FLI1: variants seen among roughly 807,000 people sequenced by gnomAD.
FLI1 encodes the protein Fli-1 proto-oncogene, ETS transcription factor.
FLI1 carries 13 observed loss-of-function variants against 53.1 expected under a neutral mutation model. The ratio of observed to expected loss-of-function variants is 0.24; its 90% CI spans 0.16 to 0.39. The LOEUF (loss-of-function observed/expected upper bound fraction) is 0.39, where lower values mean the gene tolerates loss of function less well. FLI1 is among the 10% of genes least tolerant of loss of function. The pLI is 1.00. For synonymous variants in FLI1, 244 were observed against 236.7 expected (o/e 1.03, Z -0.28); for missense variants, 424 against 600.5 (o/e 0.71, Z 3.07).
chr11:128,797,752 G>C (rs2268608), intron 5 of FLI1, among the ~76,000 whole-genome samples: 17,068 of 152,144 alleles, frequency 0.11, 1,101 homozygotes, highest in East Asian at 0.26. Context: ...CCAATAAGTT[G>C]GTGATGGCGA....
At chr11:128,757,110 TTC>T (rs1375981367) in intron 1 of FLI1, among the ~76,000 whole-genome samples, 1 of 137,554 alleles carries the variant, frequency 7.3e-6, no homozygotes, top group Non-Finnish European at 1.6e-5. Context: ...CTTTCTTTCT[TTC>T]TCTCTTTCTG....
chr11:128,737,333 G>C (rs1286564582), intron 1 of FLI1, among the ~76,000 whole-genome samples: 1 of 152,124 alleles, frequency 6.6e-6, no homozygotes, highest in African/African-American at 2.4e-5. Context: ...CAGAAAGGAG[G>C]GTTTTTACAA....
chr11:128,703,905 G>A (rs1244187470), intron 1 of FLI1, among the ~76,000 whole-genome samples: 2 of 148,038 alleles, frequency 1.4e-5, no homozygotes, highest in Non-Finnish European at 3.0e-5. Context: ...GTAAAAAGGT[G>A]AATGGGCACC....
At chr11:128,763,849 A>C (rs1474950938) in intron 2 of FLI1, among the ~76,000 whole-genome samples, 2 of 152,182 alleles carry the variant, frequency 1.3e-5, no homozygotes, top group Non-Finnish European at 2.9e-5. Flanking sequence ...ATCATAAGTG[A>C]TGCTTTTTCT....
chr11:128,790,069 CGTGTGTGTGT>C (rs765614434), intron 5 of FLI1, among the ~76,000 whole-genome samples: 2 of 143,318 alleles, frequency 1.4e-5, no homozygotes, highest in Admixed American at 6.8e-5. Context: ...TGCATGCATG[CGTGTGTGTGT>C]GTGTGTGTGT....
chr11:128,810,687 G>A lies in FLI1; in HGVS notation c.1058G>A (p.Gly353Asp). 1.2e-6 allele frequency: 2 copies of A among 1,614,020 alleles called. No homozygotes were observed. The highest frequency in any genetic ancestry group is 1.7e-6 in the Non-Finnish European group (2 of 1,179,890). Residue 353 changes from glycine (G) to aspartate (D), a missense_variant, in exon 9 of 9, where the codon GGC becomes GAC. Gly to Asp is a moderately conservative substitution (Grantham distance 94). This residue lies in a region of FLI1 where 71 missense variants were observed against 174.2 expected (regional missense o/e 0.41). Transcript: ENST00000527786. The surrounding 1 kb of genome is among the most constrained non-coding windows in gnomAD (Gnocchi z 6.6). ...YDKNIMTKVH[G>D]KRYAYKFDFH... ...AAAAACATTATGACCAAAGTGCACGGCAAAAGATATGCTTACAAATTTGAC... is the reference window on the plus strand; with the variant it reads ...AAAAACATTATGACCAAAGTGCACGACAAAAGATATGCTTACAAATTTGAC...
chr11:128,803,247 C>T (rs940182384), intron 5 of FLI1, among the ~76,000 whole-genome samples: 2 of 151,948 alleles, frequency 1.3e-5, no homozygotes, highest in African/African-American at 4.8e-5. Context: ...ACCACAAGCT[C>T]ATTCTTCACC....
chr11:128,809,161 G>A lies in FLI1; in HGVS notation c.786G>A (p.Pro262=), dbSNP rs762785401. Residue 262 remains proline, a synonymous_variant, in exon 8 of 9, where the codon CCG becomes CCA. Transcript: ENST00000527786. ...KNTEQRPQPD[P]YQILGPTSSR... ...TTTCCTTTTTTATTTCCTTAGATCC[G>A]TATCAGATCCTGGGCCCGACCAGCA... The A allele has an allele frequency of 1.7e-5, 28 of 1,613,416 alleles. No individual in the cohort carries two copies. The highest frequency in any genetic ancestry group is 1.1e-4 in the East Asian group (5 of 44,892).
chr11:128,727,284 C>T (rs1398636763), intron 1 of FLI1, among the ~76,000 whole-genome samples: 5 of 152,202 alleles, frequency 3.3e-5, no homozygotes, highest in South Asian at 2.1e-4. Context: ...AGATAACTTA[C>T]GCAAAGTCCT....
At chr11:128,779,555 G>A (rs923308941) in intron 4 of FLI1, among the ~76,000 whole-genome samples, 2 of 152,188 alleles carry the variant, frequency 1.3e-5, no homozygotes, top group East Asian at 1.9e-4. Context: ...AAATAGTAAC[G>A]ATCATAGCTA....
intron 7 of FLI1, among the ~76,000 whole-genome samples, chr11:128,807,543 T>C (rs1942816852): frequency 6.6e-6 from 1 of 152,118 alleles, no homozygotes; most frequent in Admixed American, 6.5e-5. Flanking sequence ...ATACAGCTGG[T>C]TAATGAAAGA....
At chr11:128,715,463 G>A (rs1204304704) in intron 1 of FLI1, among the ~76,000 whole-genome samples, 3 of 152,178 alleles carry the variant, frequency 2.0e-5, no homozygotes, top group Non-Finnish European at 1.5e-5. Flanking sequence ...AAAAGTTGAG[G>A]AGTCAATGAC....
At chr11:128,788,366 G>T (rs185074898) in intron 5 of FLI1, among the ~76,000 whole-genome samples, 2 of 152,202 alleles carry the variant, frequency 1.3e-5, no homozygotes, top group African/African-American at 4.8e-5. Flanking sequence ...CTACCCGGGA[G>T]GCTGAAGCAG....
At chr11:128,736,850 TG>T (rs1245450547) in intron 1 of FLI1, among the ~76,000 whole-genome samples, 1 of 152,092 alleles carries the variant, frequency 6.6e-6, no homozygotes, top group East Asian at 1.9e-4. Flanking sequence ...TGTATGCAGG[TG>T]TGTGGGGAGA....
At chr11:128,715,587 C>T (rs1050180371) in intron 1 of FLI1, among the ~76,000 whole-genome samples, 2 of 152,126 alleles carry the variant, frequency 1.3e-5, no homozygotes, top group African/African-American at 4.8e-5. Flanking sequence ...ATCCCCCATC[C>T]CACCTCATTT....
intron 2 of FLI1, among the ~76,000 whole-genome samples, chr11:128,766,932 T>C (rs1941361960): frequency 8.1e-6 from 1 of 124,026 alleles, no homozygotes; most frequent in Admixed American, 7.8e-5. Context: ...TCCTGCTCAG[T>C]ATAATGGCGG....
rs537824758 is a variant in FLI1, at chr11:128,723,265, G to A, written c.18+28989G>A. ...TGGCACAATTAAAGAGAAGAGAGGA[G>A]CAAGTGGGGGCTCAGGCAGTGTAGG... On this transcript the variant is annotated intron_variant, in intron 1 of 8. Transcript: ENST00000527786. Among the ~76,000 whole-genome samples, 4 of 152,222 alleles carry A rather than the reference G, an allele frequency of 2.6e-5. No homozygotes were observed. In the South Asian group the frequency reaches 8.3e-4, roughly 32 times the overall value.
chr11:128,752,446 G>A (rs900695581), intron 1 of FLI1, among the ~76,000 whole-genome samples: 19 of 152,326 alleles, frequency 1.2e-4, no homozygotes, highest in African/African-American at 4.3e-4. Context: ...GATGCGTAAT[G>A]AGCAGCAGAT....
At chr11:128,730,856 G>T (rs1197502567) in intron 1 of FLI1, among the ~76,000 whole-genome samples, 38 of 152,230 alleles carry the variant, frequency 2.5e-4, no homozygotes, top group Admixed American at 1.5e-3. Flanking sequence ...TTCCATTGCC[G>T]TTTCCCATCC....
Sources: gnomAD v4.1 joint callset for allele counts (sites outside exome capture counted in the v4.1 genomes callset) on GRCh38, gnomAD v4.1.1 for gene constraint, gnomAD v4.1.1 regional missense constraint, Gnocchi (gnomAD v3.1) non-coding constraint, MANE v1.5 for transcripts, NCBI Gene and HGNC (gene_info 2026-07-23, HGNC 2026-07-21) for gene names.